Variants in SLC26A9 observed in about 807,000 individuals in gnomAD.
SLC26A9 encodes solute carrier family 26 member 9, also known as anion transporter/exchanger protein 9.
SLC26A9 carries 46 observed loss-of-function variants against 87.1 expected under a neutral mutation model. The observed-to-expected ratio is 0.53, with a 90% CI of 0.42 to 0.67. The LOEUF is 0.67. Among genes scored for constraint, SLC26A9 ranks in the 30% least tolerant of loss-of-function variants. The pLI, the probability that SLC26A9 is intolerant of heterozygous loss-of-function variation, is 0.00. For missense variants in SLC26A9, 927 were observed against 1,018.3 expected (o/e 0.91, Z 1.22); for synonymous variants, 437 against 409.1 (o/e 1.07, Z -0.82).
chr1:205,938,067 G>A (rs1010766685), intron 1 of SLC26A9, among the ~76,000 whole-genome samples: 5 of 151,930 alleles, frequency 3.3e-5, no homozygotes, highest in African/African-American at 7.3e-5. Context: ...TGCGGGGAAG[G>A]GAGTTATTAG....
Position 205,915,061 on chromosome 1 carries a change from G to A in SLC26A9, c.*296C>T. ...TTCAGCTGCCAAGGACAGGGCAGAG[G>A]TGGGTGGGGTGGAGTGAGCAGGAGG... On this transcript the variant is annotated 3_prime_UTR_variant, in exon 21 of 21. Coordinates refer to ENST00000367135, the MANE Select transcript of SLC26A9 (RefSeq NM_052934.4). 6.2e-7 allele frequency: 1 copy of A among 1,614,204 alleles called. No homozygotes were observed. The highest frequency in any genetic ancestry group is 8.5e-7 in the Non-Finnish European group (1 of 1,180,044).
chr1:205,932,661 G>A, intron 4 of SLC26A9, 41 bp downstream of exon 4: 3 of 1,487,088 alleles, frequency 2.0e-6, no homozygotes, highest in South Asian at 2.7e-5. Flanking sequence ...CCATCCTTGG[G>A]GTCTGGGTCA....
At position 205,922,564 on chromosome 1, in the gene SLC26A9, G is replaced by T. The variant is rs1658887206; in HGVS notation, c.1773+518C>A. Among the ~76,000 whole-genome samples the T allele has an allele frequency of 2.0e-5, 3 of 152,202 alleles. No individual in the cohort carries two copies. The South Asian group carries it at 6.2e-4, about 32-fold the overall frequency. On this transcript the variant is annotated intron_variant, in intron 16 of 20. Coordinates refer to ENST00000367135, the MANE Select transcript of SLC26A9 (RefSeq NM_052934.4). ...GCCAGAAAATGGAGAAGGGCCTTGG[G>T]GGTTCAGTGGCTTCCCTGGGAGATG... is the stretch of plus-strand genomic sequence containing the variant.
chr1:205,932,201 T>C (rs1308551428), intron 4 of SLC26A9, among the ~76,000 whole-genome samples, 166 bp from the exon 5 acceptor site: 2 of 152,260 alleles, frequency 1.3e-5, no homozygotes, highest in Non-Finnish European at 2.9e-5. Flanking sequence ...CCATGATCTA[T>C]GCTTTTCAAG....
chr1:205,930,153 CAGT>C, intron 5 of SLC26A9, 97 bp from the exon 6 acceptor site: 2 of 1,347,500 alleles, frequency 1.5e-6, no homozygotes, highest in South Asian at 3.0e-5. Flanking sequence ...GAGCTCCGTG[CAGT>C]CCTAGCGTAG....
Position 205,921,687 on chromosome 1 carries a change from G to A in SLC26A9, c.1934C>T (p.Ala645Val). 1 of 1,595,884 alleles carries A rather than the reference G, an allele frequency of 6.3e-7. No individual in the cohort carries two copies. The highest frequency in any genetic ancestry group is 8.5e-7 in the Non-Finnish European group (1 of 1,171,458). ...CAGCATGTCACTGGGCTCGCCGGGGGCCTCAGCGGAGGCTGGTGGCTCACT... is the reference window on the plus strand; with the variant it reads ...CAGCATGTCACTGGGCTCGCCGGGGACCTCAGCGGAGGCTGGTGGCTCACT... Reference protein sequence around the residue: ...AQSEPPASAEAPGEPSDMLAS... With the variant: ...AQSEPPASAEVPGEPSDMLAS... Residue 645 changes from alanine (A) to valine (V), a missense_variant, in exon 17 of 21, where the codon GCC becomes GTC. Coordinates refer to ENST00000367135, the MANE Select transcript of SLC26A9 (RefSeq NM_052934.4).
chr1:205,941,535 C>T (rs1185391595), intron 1 of SLC26A9, among the ~76,000 whole-genome samples: 1 of 152,118 alleles, frequency 6.6e-6, no homozygotes, highest in East Asian at 1.9e-4. Context: ...GCAAATCTCT[C>T]CCTACTCCTC....
In SLC26A9 at chr1:205,915,498, C is replaced by A. The variant is rs1010526880; in HGVS notation, c.2329-94G>T. The A allele has an allele frequency of 3.9e-6, 6 of 1,546,698 alleles. No individual in the cohort carries two copies. In the African/African-American group the frequency reaches 8.3e-5, roughly 21 times the overall value. On this transcript the variant is annotated intron_variant, in intron 20 of 20. Coordinates refer to ENST00000367135, the MANE Select transcript of SLC26A9 (RefSeq NM_052934.4). Reference sequence around the variant, plus strand: ...GCAACCAAGAGGTGACCCTAGGAACCCCTGGCCAGAACAAAGCACCTGTGT... The same window carrying A: ...GCAACCAAGAGGTGACCCTAGGAACACCTGGCCAGAACAAAGCACCTGTGT...
At chr1:205,933,229 A>T (rs1659379588) in intron 2 of SLC26A9, 145 bp from the exon 3 acceptor site, 1 of 1,257,946 alleles carries the variant, frequency 7.9e-7, no homozygotes, top group Non-Finnish European at 1.1e-6. Flanking sequence ...TGAGAAGAAA[A>T]GGCAGGAACT....
At position 205,932,689 on chromosome 1, in the gene SLC26A9, G is replaced by A. The variant is rs760227806; in HGVS notation, c.376+13C>T. 2 of 1,543,130 alleles carry A rather than the reference G, an allele frequency of 1.3e-6. No individual in the cohort carries two copies. The highest frequency in any genetic ancestry group is 1.7e-6 in the Non-Finnish European group (2 of 1,147,668). ...CTGGGTCATCCTGCCTGCCCAGAGG[G>A]GAGAGGCCTTACCTGGCACCATCTG... On this transcript the variant is annotated intron_variant, in intron 4 of 20. Coordinates refer to ENST00000367135, the MANE Select transcript of SLC26A9 (RefSeq NM_052934.4).
At chr1:205,919,486 C>T (rs1658732113) in intron 18 of SLC26A9, among the ~76,000 whole-genome samples, 2 of 152,192 alleles carry the variant, frequency 1.3e-5, no homozygotes, top group Admixed American at 1.3e-4. Context: ...TGCAGATTCT[C>T]TCCCCGAACG....
chr1:205,917,284 T>A lies in SLC26A9; in HGVS notation c.2327A>T (p.Gln776Leu). The A allele has an allele frequency of 6.2e-7, 1 of 1,613,958 alleles. No individual in the cohort carries two copies. Among genetic ancestry groups the A allele is most frequent in the Non-Finnish European group, 8.5e-7 (1 of 1,179,958 alleles). ...EDIRSYWDLE[Q>L]EMFGSMFHAE... ...TCACAGCCCCTTCCCTCAGCTCACC[T>A]GCTCTAAGTCCCAGTAGCTGCGAAT... Residue 776 changes from glutamine (Q) to leucine (L), a missense_variant and splice_region_variant, in exon 20 of 21, where the codon CAG (glutamine) becomes CTG (leucine). By Grantham distance (113) the Gln-to-Leu change is moderately radical. Transcript: ENST00000367135.
chr1:205,937,368 C>T (rs1228399984), intron 1 of SLC26A9, among the ~76,000 whole-genome samples: 2 of 152,128 alleles, frequency 1.3e-5, no homozygotes, highest in Non-Finnish European at 2.9e-5. Flanking sequence ...TTGGAGGAGA[C>T]ATGGGCAGAA....
chr1:205,920,316 G>A, intron 17 of SLC26A9, 86 bp from the exon 18 acceptor site: 1 of 1,550,476 alleles, frequency 6.4e-7, no homozygotes, highest in Non-Finnish European at 8.9e-7. Flanking sequence ...GTACTTCAGA[G>A]GGGAAGCCAA....
In SLC26A9 at chr1:205,933,031, G is replaced by C. The variant is rs762415024; in HGVS notation, c.179C>G (p.Ser60Cys). 6.2e-7 allele frequency: 1 copy of C among 1,614,184 alleles called. No homozygotes were observed. Among genetic ancestry groups the C allele is most frequent in the Non-Finnish European group, 8.5e-7 (1 of 1,180,050 alleles). The change falls in exon 3 of 21, where the codon TCC becomes TGC. Residue 60 changes from serine (S) to cysteine (C), a missense_variant. By Grantham distance (112) the Ser-to-Cys change is moderately radical. Coordinates refer to ENST00000367135, the MANE Select transcript of SLC26A9 (RefSeq NM_052934.4). ...TTTAATCTTGTACTTGGGGAGCCAG[G>C]AGAGCACAGGCAGCAGCCCAAACAC... ...AVVFGLLPVL[S>C]WLPKYKIKDY...
chr1:205,924,533 A>G, intron 12 of SLC26A9, 44 bp from the exon 13 acceptor site: 6 of 1,582,424 alleles, frequency 3.8e-6, no homozygotes, highest in Non-Finnish European at 5.2e-6. Flanking sequence ...GGAAAAAACA[A>G]CCTCTTTCAG....
intron 1 of SLC26A9, among the ~76,000 whole-genome samples, chr1:205,936,044 A>G (rs1230300157): frequency 2.0e-5 from 3 of 152,292 alleles, no homozygotes; most frequent in Non-Finnish European, 1.5e-5. Flanking sequence ...CTGATGATGC[A>G]TAGACTCACC....
At position 205,924,481 on chromosome 1, in the gene SLC26A9, C is replaced by T; in HGVS notation, c.1398G>A (p.Trp466Ter). 1.2e-6 allele frequency: 2 copies of T among 1,614,112 alleles called. No individual in the cohort carries two copies. The highest frequency in any genetic ancestry group is 1.7e-6 in the Non-Finnish European group (2 of 1,179,996). ...AGAAGGAGGAGAGGAAGCTCACTAC[C>T]CAGATGCACTGTGAAAAGAGAGATG... ...WRKSKLDCCI[W>*]VVSFLSSFFL... The change falls in exon 13 of 21, where the codon TGG becomes TGA. Residue 466 changes from tryptophan (W) to a stop codon, truncating the protein, a stop_gained. Transcript: ENST00000367135. LOFTEE classifies it high-confidence loss of function.
rs6677458 is a variant in SLC26A9 at position 205,914,665 on chromosome 1, G to C, written c.*692C>G. 5.0e-4 allele frequency: 259 copies of C among 517,510 alleles called. No individual in the cohort carries two copies. The highest frequency in any genetic ancestry group is 4.6e-3 in the African/African-American group (242 of 52,708). 32.1% of individuals were successfully genotyped at this position (517,510 alleles called of 1,614,324 possible). ...TTAGTGGGCTGTCCCCGGGGAGGTA[G>C]CTCTGGTGGTCTCGACGGTCCTGGC... On this transcript the variant is annotated 3_prime_UTR_variant, in exon 21 of 21. Transcript: ENST00000367135.
Sources: allele counts gnomAD v4.1 joint callset (sites outside exome capture counted in the v4.1 genomes callset), GRCh38; gene constraint gnomAD v4.1.1; transcripts MANE v1.5; gene names NCBI Gene and HGNC (gene_info 2026-07-23, HGNC 2026-07-21).